PELI1: variants seen among roughly 807,000 people sequenced by gnomAD.
PELI1 encodes E3 ubiquitin-protein ligase pellino homolog 1.
Under a neutral mutation model 41.3 loss-of-function variants are expected in PELI1, and 15 were observed. The ratio of observed to expected loss-of-function variants is 0.36; its 90% CI spans 0.24 to 0.56. The LOEUF is 0.56. Among genes scored for constraint, PELI1 ranks in the 20% least tolerant of loss-of-function variants. PELI1 has a pLI of 0.82. For missense variants in PELI1, 403 were observed against 525.5 expected (o/e 0.77, Z 2.28); for synonymous variants, 178 against 180.1 (o/e 0.99, Z 0.09).
rs28469356 is a variant in PELI1 at position 64,137,863 on chromosome 2, C to T, written c.-70+6218G>A. On this transcript the variant is annotated intron_variant, in intron 1 of 6. Transcript: ENST00000358912. ...CGTGTGGCTCTTAAACTGGCTTAGA[C>T]GACAAAAAAAATTTTTTTTTCTAAA... 2.9e-3 allele frequency among the ~76,000 whole-genome samples: 444 copies of T among 151,740 alleles called. 2 individuals are homozygous for T. Among genetic ancestry groups the T allele is most frequent in the African/African-American group, 8.7e-3 (358 of 41,386 alleles).
At chr2:64,116,810 C>T (rs1017099238) in intron 1 of PELI1, among the ~76,000 whole-genome samples, 30 of 152,180 alleles carry the variant, frequency 2.0e-4, no homozygotes, top group Non-Finnish European at 3.8e-4. Flanking sequence ...TTTGTGGCAA[C>T]CCTGCATGGC....
intron 4 of PELI1, among the ~76,000 whole-genome samples, chr2:64,099,907 G>T (rs1055790322): frequency 1.3e-5 from 2 of 152,152 alleles, no homozygotes; most frequent in African/African-American, 2.4e-5. Context: ...CTGAGAAAAA[G>T]GTTTGATTTC....
At chr2:64,117,666 A>C (rs938131408) in intron 1 of PELI1, among the ~76,000 whole-genome samples, 3 of 152,332 alleles carry the variant, frequency 2.0e-5, no homozygotes, top group African/African-American at 7.2e-5. Flanking sequence ...TAATAGAGAG[A>C]AATCATTATT....
chr2:64,123,970 A>C (rs545920776), intron 1 of PELI1, among the ~76,000 whole-genome samples: 2 of 152,226 alleles, frequency 1.3e-5, no homozygotes, highest in African/African-American at 2.4e-5. Context: ...AAAGGAATGA[A>C]TTACTGATAT....
At chr2:64,104,680 G>GTTT in intron 3 of PELI1, 21 bp downstream of exon 3, 3 of 1,387,854 alleles carry the variant, frequency 2.2e-6, no homozygotes, top group African/African-American at 3.2e-5. Context: ...AATTTATGTA[G>GTTT]CTTTTTTTTT....
chr2:64,108,777 C>A (rs569205290), intron 1 of PELI1, among the ~76,000 whole-genome samples: 7 of 152,268 alleles, frequency 4.6e-5, no homozygotes, highest in Non-Finnish European at 7.4e-5. Flanking sequence ...CCTAATATAT[C>A]CCAGACTTGG....
chr2:64,119,577 C>T (rs1183478832), intron 1 of PELI1, among the ~76,000 whole-genome samples: 1 of 152,192 alleles, frequency 6.6e-6, no homozygotes, highest in African/African-American at 2.4e-5. Context: ...GTAAACACTA[C>T]ATAATTCTAG....
intron 2 of PELI1, among the ~76,000 whole-genome samples, chr2:64,105,371 T>C (rs922120505): frequency 6.6e-6 from 1 of 152,236 alleles, no homozygotes; most frequent in Admixed American, 6.5e-5. Flanking sequence ...CCAACAGACA[T>C]GTTTGCTAAG....
At chr2:64,124,022 G>C (rs1450507551) in intron 1 of PELI1, among the ~76,000 whole-genome samples, 1 of 152,154 alleles carries the variant, frequency 6.6e-6, no homozygotes, top group Non-Finnish European at 1.5e-5. Flanking sequence ...TCTGCTAAGT[G>C]AAAGAAGTCA....
At chr2:64,102,335 T>C (rs1313414587) in intron 3 of PELI1, among the ~76,000 whole-genome samples, 2 of 151,992 alleles carry the variant, frequency 1.3e-5, no homozygotes, top group African/African-American at 2.4e-5. Flanking sequence ...TATATACATA[T>C]ATATATACAC....
intron 1 of PELI1, among the ~76,000 whole-genome samples, chr2:64,126,510 T>C (rs1681391192): frequency 6.6e-6 from 1 of 152,146 alleles, no homozygotes; most frequent in African/African-American, 2.4e-5. Context: ...AACAACACAA[T>C]TACTAACCCA....
chr2:64,116,747 T>A (rs1411728248), intron 1 of PELI1, among the ~76,000 whole-genome samples: 1 of 152,248 alleles, frequency 6.6e-6, no homozygotes, highest in African/African-American at 2.4e-5. Flanking sequence ...TTTATTGCAC[T>A]TTGCTTTATT....
chr2:64,114,408 A>C (rs750038531), intron 1 of PELI1, among the ~76,000 whole-genome samples: 8 of 152,182 alleles, frequency 5.3e-5, no homozygotes, highest in Non-Finnish European at 1.2e-4. Context: ...TTTTTACATA[A>C]AAGGAGAAAT....
rs537000200 is a variant in PELI1 at position 64,104,681 on chromosome 2, CTTTT to C, written c.201+16_201+19del. 1.9e-3 allele frequency: 2,787 copies of C among 1,458,146 alleles called. No homozygotes were observed. The highest frequency in any genetic ancestry group is 5.5e-3 in the South Asian group (390 of 70,638). 90.3% of individuals were successfully genotyped at this position (1,458,146 alleles called of 1,614,324 possible). On this transcript the variant is annotated intron_variant, in intron 3 of 6. Coordinates refer to ENST00000358912, the MANE Select transcript of PELI1 (RefSeq NM_020651.4). Reference sequence around the variant, plus strand: ...AAATTCTCCAAGTTAATTTATGTAGCTTTTTTTTTTTTTTTTTACCTTTGCAGCC... The same window carrying C: ...AAATTCTCCAAGTTAATTTATGTAGCTTTTTTTTTTTTTACCTTTGCAGCC...
chr2:64,143,905 C>T (rs747939378), intron 1 of PELI1, among the ~76,000 whole-genome samples, 176 bp downstream of exon 1: 2 of 151,452 alleles, frequency 1.3e-5, no homozygotes, highest in African/African-American at 4.8e-5. Flanking sequence ...AGCCAGGGCG[C>T]GGGATGCAGG....
At chr2:64,102,110 C>G (rs555752266) in intron 3 of PELI1, among the ~76,000 whole-genome samples, 1 of 152,204 alleles carries the variant, frequency 6.6e-6, no homozygotes, top group Non-Finnish European at 1.5e-5. Context: ...CAGGCGTGAG[C>G]CATTGTGCCT....
intron 1 of PELI1, among the ~76,000 whole-genome samples, chr2:64,121,179 C>T (rs373894534): frequency 9.2e-5 from 14 of 152,278 alleles, no homozygotes; most frequent in East Asian, 5.8e-4. Flanking sequence ...CAAAAATGAT[C>T]GGGGCATATT....
intron 1 of PELI1, among the ~76,000 whole-genome samples, chr2:64,127,125 C>T (rs979495919): frequency 3.9e-5 from 6 of 152,142 alleles, no homozygotes; most frequent in Admixed American, 1.3e-4. Context: ...ATTCCCTTAA[C>T]GCCTATTAAT....
intron 1 of PELI1, among the ~76,000 whole-genome samples, chr2:64,127,827 A>C (rs1320966306): frequency 1.3e-5 from 2 of 152,010 alleles, no homozygotes; most frequent in Admixed American, 6.6e-5. Flanking sequence ...CTTTAACCAC[A>C]CTGTTAGGAC....
Sources: allele counts gnomAD v4.1 joint callset (sites outside exome capture counted in the v4.1 genomes callset), GRCh38; gene constraint gnomAD v4.1.1; transcripts MANE v1.5; gene names NCBI Gene and HGNC (gene_info 2026-07-23, HGNC 2026-07-21).